The following RBMS1 variants were observed in gnomAD, a reference collection of about 807,000 sequenced individuals.
RBMS1 encodes the protein RNA-binding motif, single-stranded-interacting protein 1.
RBMS1 carries 17 observed loss-of-function variants against 62.3 expected under a neutral mutation model. The observed-to-expected ratio is 0.27, with a 90% CI of 0.19 to 0.41. RBMS1 has a LOEUF of 0.41. Ranked by LOEUF, RBMS1 falls within the 10% of genes least tolerant of loss-of-function variation. The pLI, the probability that RBMS1 is intolerant of heterozygous loss-of-function variation, is 1.00. For missense variants in RBMS1, 334 were observed against 504.5 expected (o/e 0.66, Z 3.24); for synonymous variants, 172 against 170.0 (o/e 1.01, Z -0.09).
intron 1 of RBMS1, among the ~76,000 whole-genome samples, chr2:160,449,206 G>T (rs1683843984): frequency 6.6e-6 from 1 of 150,836 alleles, no homozygotes; most frequent in Non-Finnish European, 1.5e-5. Flanking sequence ...GGGAGGTGGG[G>T]GGCAGCCCCC....
intron 1 of RBMS1, among the ~76,000 whole-genome samples, chr2:160,406,688 A>C (rs1364235799): frequency 6.6e-6 from 1 of 152,252 alleles, no homozygotes; most frequent in Non-Finnish European, 1.5e-5. Context: ...GTATCACAAC[A>C]TGGCTTCAGT....
At chr2:160,334,633 GTT>G (rs1237650047) in intron 2 of RBMS1, among the ~76,000 whole-genome samples, 1 of 152,140 alleles carries the variant, frequency 6.6e-6, no homozygotes, top group Non-Finnish European at 1.5e-5. Context: ...TAAGGAAACT[GTT>G]GGCTAAGAAG....
At chr2:160,312,925 C>G (rs1296265742) in intron 4 of RBMS1, among the ~76,000 whole-genome samples, 1 of 151,790 alleles carries the variant, frequency 6.6e-6, no homozygotes, top group East Asian at 1.9e-4. Context: ...ACATAATTTA[C>G]TATGTAAATT....
intron 1 of RBMS1, among the ~76,000 whole-genome samples, chr2:160,482,659 G>C (rs139284181): frequency 2.0e-5 from 3 of 152,256 alleles, no homozygotes; most frequent in African/African-American, 7.2e-5. Context: ...AAAATTCCCA[G>C]TGCATTCACT....
chr2:160,311,228 CTATCTATA>C (rs1157157000), intron 4 of RBMS1, among the ~76,000 whole-genome samples: 13 of 95,924 alleles, frequency 1.4e-4, no homozygotes, highest in South Asian at 4.0e-4. Flanking sequence ...ATCTATCTAT[CTATCTATA>C]TATATATATA....
chr2:160,346,545 A>G (rs1692184921), intron 2 of RBMS1, among the ~76,000 whole-genome samples: 2 of 152,192 alleles, frequency 1.3e-5, no homozygotes, highest in Non-Finnish European at 2.9e-5. Flanking sequence ...CTCATGTTGT[A>G]AAACTGGAAA....
At chr2:160,310,557 G>A (rs981562668) in intron 4 of RBMS1, among the ~76,000 whole-genome samples, 3 of 152,176 alleles carry the variant, frequency 2.0e-5, no homozygotes, top group Non-Finnish European at 4.4e-5. Context: ...CACCTGAAAC[G>A]AAAGAAGCTT....
intron 1 of RBMS1, among the ~76,000 whole-genome samples, chr2:160,419,047 G>T (rs193033079): frequency 6.8e-4 from 104 of 152,232 alleles, no homozygotes; most frequent in African/African-American, 2.4e-3. Flanking sequence ...ACTTAAGAAG[G>T]TTTGTAAATG....
chr2:160,319,441 G>A (rs1402022723), intron 2 of RBMS1, among the ~76,000 whole-genome samples: 2 of 152,208 alleles, frequency 1.3e-5, no homozygotes, highest in African/African-American at 4.8e-5. Flanking sequence ...GAACCGGGGA[G>A]GCGGAGATTG....
chr2:160,285,110 A>T, intron 7 of RBMS1, 66 bp from the exon 8 acceptor site: 1 of 1,520,844 alleles, frequency 6.6e-7, no homozygotes, highest in Non-Finnish European at 9.1e-7. Context: ...TTCTATTTTT[A>T]GCCAGGTGTG....
intron 11 of RBMS1, chr2:160,277,675 T>C (rs1194820924): frequency 1.4e-5 from 4 of 290,524 alleles, no homozygotes; most frequent in Non-Finnish European, 6.7e-6. Flanking sequence ...TCACTCTCAA[T>C]AATTCAGTAT....
At chr2:160,473,905 T>C (rs1685025003) in intron 1 of RBMS1, among the ~76,000 whole-genome samples, 1 of 152,216 alleles carries the variant, frequency 6.6e-6, no homozygotes. Context: ...AAAAACTTTT[T>C]TGATGCCCAT....
intron 2 of RBMS1, among the ~76,000 whole-genome samples, chr2:160,323,962 C>T (rs1319096494): frequency 6.6e-6 from 1 of 152,200 alleles, no homozygotes; most frequent in Non-Finnish European, 1.5e-5. Context: ...TAGATCTCCT[C>T]TTTCATCTGC....
chr2:160,283,318 A>T (rs1453625257), intron 9 of RBMS1: 1 of 152,328 alleles, frequency 6.6e-6, no homozygotes, highest in South Asian at 2.1e-4. Flanking sequence ...ATGAATTGTT[A>T]ATTAGGGAAG....
rs1685959873 is a variant in RBMS1, at chr2:160,493,535, C to T, written c.-172G>A. 9.6e-6 allele frequency: 6 copies of T among 625,450 alleles called. No individual in the cohort carries two copies. The highest frequency in any genetic ancestry group is 1.7e-5 in the Non-Finnish European group (6 of 355,734). The allele number at this position is 625,450 out of a possible 1,614,324, so 38.7% of individuals were successfully genotyped here. On this transcript the variant is annotated 5_prime_UTR_variant, in exon 1 of 14. Coordinates refer to ENST00000348849, the MANE Select transcript of RBMS1 (RefSeq NM_016836.4). ...CGGGACCAGACGTCCTCCTCCTCCT[C>T]CTCCTCTTCCTCCTCCTCCTCCTCC...
chr2:160,430,098 G>A (rs73008318), intron 1 of RBMS1, among the ~76,000 whole-genome samples: 1 of 152,216 alleles, frequency 6.6e-6, no homozygotes, highest in African/African-American at 2.4e-5. Flanking sequence ...GCATGTCAAT[G>A]AGGCCATCTT....
At chr2:160,374,987 A>G (rs1213893385) in intron 1 of RBMS1, among the ~76,000 whole-genome samples, 2 of 152,156 alleles carry the variant, frequency 1.3e-5, no homozygotes, top group African/African-American at 2.4e-5. Context: ...ATCCAGATTC[A>G]AGTTTTGTCC....
chr2:160,407,483 C>T, intron 1 of RBMS1: 1 of 986,178 alleles, frequency 1.0e-6, no homozygotes, highest in Non-Finnish European at 1.2e-6. Context: ...ATAGGGCGTC[C>T]GGCAGTTGCT....
chr2:160,383,631 T>C (rs2105194149), intron 1 of RBMS1, among the ~76,000 whole-genome samples: 1 of 152,322 alleles, frequency 6.6e-6, no homozygotes, highest in South Asian at 2.1e-4. Flanking sequence ...ACCTCTATCA[T>C]TTATTTGTGT....
Sources: gnomAD v4.1 joint callset for allele counts (sites outside exome capture counted in the v4.1 genomes callset) on GRCh38, gnomAD v4.1.1 for gene constraint, MANE v1.5 for transcripts, NCBI Gene and HGNC (gene_info 2026-07-23, HGNC 2026-07-21) for gene names.